The following PLCB1 variants were observed in gnomAD, a reference collection of about 807,000 sequenced individuals.
The protein encoded by PLCB1 is phospholipase C beta 1, also known as 1-phosphatidylinositol 4,5-bisphosphate phosphodiesterase beta-1.
PLCB1 carries 46 observed loss-of-function variants against 161.8 expected under a neutral mutation model. That is an observed-to-expected ratio of 0.28 (90% CI 0.22 to 0.36). The LOEUF (loss-of-function observed/expected upper bound fraction) is 0.36, where lower values mean the gene tolerates loss of function less well. Ranked by LOEUF, PLCB1 falls within the 10% of genes least tolerant of loss-of-function variation. The pLI is 1.00. For synonymous variants in PLCB1, 517 were observed against 503.7 expected (o/e 1.03, Z -0.35); for missense variants, 1,016 against 1,472.5 (o/e 0.69, Z 5.07).
chr20:8,468,042 A>G (rs1392429987), intron 3 of PLCB1, among the ~76,000 whole-genome samples: 1 of 152,196 alleles, frequency 6.6e-6, no homozygotes, highest in Non-Finnish European at 1.5e-5. Context: ...GAACAAATAA[A>G]ACAAATGAAG....
intron 31 of PLCB1, among the ~76,000 whole-genome samples, chr20:8,808,550 A>G (rs1025380663): frequency 2.0e-5 from 3 of 152,214 alleles, no homozygotes; most frequent in Non-Finnish European, 2.9e-5. Flanking sequence ...AATTCAGTCC[A>G]TAAAGGAAGT....
At position 8,132,596 on chromosome 20, in the gene PLCB1, C is replaced by A; in HGVS notation, c.-56C>A. 4 of 1,173,940 alleles carry A rather than the reference C, an allele frequency of 3.4e-6. No individual in the cohort carries two copies. The highest frequency in any genetic ancestry group is 1.7e-5 in the South Asian group (1 of 59,768). 72.7% of individuals were successfully genotyped at this position (1,173,940 alleles called of 1,614,324 possible). On this transcript the variant is annotated 5_prime_UTR_variant, in exon 1 of 32. Coordinates refer to ENST00000338037, the MANE Select transcript of PLCB1 (RefSeq NM_015192.4). This position sits in a 1 kb window ranked among gnomAD's most constrained non-coding sequence, Gnocchi z 5.2. ...CGCCCCGCGCCCCGCGCCCCGCGCACGGTCCCCAGTCCCTGCCGCGCTCGC... is the reference window on the plus strand; with the variant it reads ...CGCCCCGCGCCCCGCGCCCCGCGCAAGGTCCCCAGTCCCTGCCGCGCTCGC...
At chr20:8,452,921 G>A (rs1981137018) in intron 3 of PLCB1, among the ~76,000 whole-genome samples, 1 of 152,182 alleles carries the variant, frequency 6.6e-6, no homozygotes, top group Non-Finnish European at 1.5e-5. Flanking sequence ...ATGTTTGCTT[G>A]CCTGGTTGAA....
At chr20:8,503,576 CA>C (rs1328791386) in intron 3 of PLCB1, among the ~76,000 whole-genome samples, 1 of 152,082 alleles carries the variant, frequency 6.6e-6, no homozygotes, top group African/African-American at 2.4e-5. Flanking sequence ...AAACCCTATA[CA>C]GTCATATGTA....
chr20:8,687,761 G>A (rs1041439730), intron 10 of PLCB1, among the ~76,000 whole-genome samples: 4 of 152,190 alleles, frequency 2.6e-5, no homozygotes, highest in South Asian at 2.1e-4. Flanking sequence ...TTGGTTCCAC[G>A]ATTTTGCTAT....
intron 3 of PLCB1, among the ~76,000 whole-genome samples, chr20:8,430,767 G>A (rs1038180351): frequency 2.6e-5 from 4 of 152,164 alleles, no homozygotes; most frequent in East Asian, 1.9e-4. Flanking sequence ...AGCCCCTATA[G>A]GAAACATAAC....
Position 8,697,681 on chromosome 20 carries a change from T to C in PLCB1, c.1065T>C (p.Ser355=), listed in dbSNP as rs1490612062. The change falls in exon 11 of 32, where the codon TCT becomes TCC. Residue 355 remains serine, a synonymous_variant. Coordinates refer to ENST00000338037, the MANE Select transcript of PLCB1 (RefSeq NM_015192.4). ...AGATGTATCGCCAAGTGCTCCTGTC[T>C]GGTTGTCGCTGTGTGGAGCTGGACT... ...SVEMYRQVLL[S]GCRCVELDCW... The C allele has an allele frequency of 1.2e-6, 2 of 1,614,204 alleles. No individual in the cohort carries two copies. Among genetic ancestry groups the C allele is most frequent in the Admixed American group, 3.3e-5 (2 of 60,010 alleles).
At chr20:8,712,871 A>AT (rs941497309) in intron 12 of PLCB1, among the ~76,000 whole-genome samples, 56 of 151,908 alleles carry the variant, frequency 3.7e-4, no homozygotes, top group African/African-American at 1.2e-3. Context: ...TGCATTTGTG[A>AT]TTTTTTTTCC....
At chr20:8,593,795 C>T (rs1987234196) in intron 3 of PLCB1, among the ~76,000 whole-genome samples, 3 of 152,002 alleles carry the variant, frequency 2.0e-5, no homozygotes, top group Non-Finnish European at 4.4e-5. Flanking sequence ...TGTTTTGTGA[C>T]ATTTTTTCGG....
intron 2 of PLCB1, among the ~76,000 whole-genome samples, chr20:8,294,110 C>A (rs1367117676): frequency 2.0e-5 from 3 of 152,018 alleles, no homozygotes; most frequent in African/African-American, 7.2e-5. Flanking sequence ...AAATTGTAAG[C>A]TTCTTTAGAG....
At chr20:8,249,147 G>C (rs191567747) in intron 2 of PLCB1, among the ~76,000 whole-genome samples, 1 of 151,984 alleles carries the variant, frequency 6.6e-6, no homozygotes, top group Non-Finnish European at 1.5e-5. Flanking sequence ...GTCAACTGTA[G>C]TTTTTAACTA....
At position 8,564,560 on chromosome 20, in the gene PLCB1, G is replaced by A. The variant is rs192628776; in HGVS notation, c.247-63734G>A. Among the ~76,000 whole-genome samples the A allele has an allele frequency of 1.5e-3, 226 of 152,230 alleles. 1 individual carries two copies. The highest frequency in any genetic ancestry group is 2.6e-3 in the Non-Finnish European group (175 of 68,024). On this transcript the variant is annotated intron_variant, in intron 3 of 31. Coordinates refer to ENST00000338037, the MANE Select transcript of PLCB1 (RefSeq NM_015192.4). Reference sequence around the variant, plus strand: ...AGAGTGAACAGACAACCTACAGAATGGGAGAAAATTTTTGCAGTGTATCCA... The same window carrying A: ...AGAGTGAACAGACAACCTACAGAATAGGAGAAAATTTTTGCAGTGTATCCA...
At chr20:8,305,323 AAGAC>A (rs747879529) in intron 2 of PLCB1, among the ~76,000 whole-genome samples, 1 of 152,210 alleles carries the variant, frequency 6.6e-6, no homozygotes, top group Non-Finnish European at 1.5e-5. Context: ...TTTTGGTAAG[AAGAC>A]AGTTTTTCAT....
At chr20:8,517,994 C>G (rs1984204004) in intron 3 of PLCB1, among the ~76,000 whole-genome samples, 1 of 151,978 alleles carries the variant, frequency 6.6e-6, no homozygotes, top group Admixed American at 6.5e-5. Flanking sequence ...CCATCCTGGC[C>G]AACATGGTGA....
At chr20:8,821,220 C>A (rs1483501922) in intron 31 of PLCB1, among the ~76,000 whole-genome samples, 1 of 151,550 alleles carries the variant, frequency 6.6e-6, no homozygotes, top group Non-Finnish European at 1.5e-5. Context: ...GTGGCTCATG[C>A]CTGTAAACCC....
Position 8,505,997 on chromosome 20 carries a change from G to A in PLCB1, c.247-122297G>A, listed in dbSNP as rs554356512. On this transcript the variant is annotated intron_variant, in intron 3 of 31. Coordinates refer to ENST00000338037, the MANE Select transcript of PLCB1 (RefSeq NM_015192.4). ...TAGAATTTAACTTCCTTTTCTGAATGTAAGTTTCAGCCCTGCTGTATGGAG... is the reference window on the plus strand; with the variant it reads ...TAGAATTTAACTTCCTTTTCTGAATATAAGTTTCAGCCCTGCTGTATGGAG... Among the ~76,000 whole-genome samples, 147 of 152,294 alleles carry A rather than the reference G, an allele frequency of 9.7e-4. 3 individuals carry two copies. In the South Asian group the frequency reaches 0.028, roughly 29 times the overall value.
At chr20:8,563,035 C>G (rs980889671) in intron 3 of PLCB1, among the ~76,000 whole-genome samples, 4 of 151,866 alleles carry the variant, frequency 2.6e-5, no homozygotes, top group African/African-American at 9.7e-5. Context: ...AGTGTGTAAA[C>G]CTATGAGACT....
At chr20:8,301,873 A>C (rs769094116) in intron 2 of PLCB1, among the ~76,000 whole-genome samples, 42 of 152,238 alleles carry the variant, frequency 2.8e-4, no homozygotes, top group Non-Finnish European at 5.6e-4. Context: ...CTGGTGGTCA[A>C]GAATGTGGCT....
chr20:8,813,043 T>C (rs2146254769), intron 31 of PLCB1, among the ~76,000 whole-genome samples: 1 of 152,254 alleles, frequency 6.6e-6, no homozygotes, highest in African/African-American at 2.4e-5. Flanking sequence ...AGGGAATTGG[T>C]CGCCTGGGAG....
Sources: gnomAD v4.1 joint callset for allele counts (sites outside exome capture counted in the v4.1 genomes callset) on GRCh38, gnomAD v4.1.1 for gene constraint, Gnocchi (gnomAD v3.1) non-coding constraint, MANE v1.5 for transcripts, NCBI Gene and HGNC (gene_info 2026-07-23, HGNC 2026-07-21) for gene names.